Variants in PRIM2 observed in about 807,000 individuals in gnomAD.
PRIM2 encodes DNA primase subunit 2.
PRIM2 carries 39 observed loss-of-function variants against 67.3 expected under a neutral mutation model. The observed-to-expected ratio is 0.58, with a 90% CI of 0.45 to 0.76. The LOEUF (loss-of-function observed/expected upper bound fraction) is 0.76, where lower values mean the gene tolerates loss of function less well. Among genes scored for constraint, PRIM2 ranks in the 30% least tolerant of loss-of-function variants. The pLI, the probability that PRIM2 is intolerant of heterozygous loss-of-function variation, is 0.00. For missense variants in PRIM2, 398 were observed against 598.7 expected (o/e 0.66, Z 3.50); for synonymous variants, 143 against 198.7 (o/e 0.72, Z 2.36).
intron 10 of PRIM2, among the ~76,000 whole-genome samples, chr6:57,574,337 C>T (rs1348311366): frequency 4.0e-4 from 60 of 151,884 alleles, no homozygotes; most frequent in African/African-American, 1.2e-3. Flanking sequence ...TTGCTTGGGC[C>T]GCTGCCATTC....
At chr6:57,333,878 C>A (rs1768136883) in intron 5 of PRIM2, among the ~76,000 whole-genome samples, 2 of 152,066 alleles carry the variant, frequency 1.3e-5, no homozygotes, top group Admixed American at 6.5e-5. Context: ...AGCTAATTAA[C>A]AAATGTATTA....
At chr6:57,427,628 A>G (rs568634988) in intron 7 of PRIM2, among the ~76,000 whole-genome samples, 13 of 152,294 alleles carry the variant, frequency 8.5e-5, no homozygotes, top group South Asian at 2.1e-4. Context: ...TGGTTATTCA[A>G]TTATTAACAG....
chr6:57,330,515 A>G (rs1768025179), intron 5 of PRIM2, among the ~76,000 whole-genome samples: 1 of 149,930 alleles, frequency 6.7e-6, no homozygotes, highest in South Asian at 2.1e-4. Context: ...TTTGTATTGA[A>G]CTTGTTTTTT....
chr6:57,250,782 C>T, the PRIM2 span, among the ~76,000 whole-genome samples: 4 of 152,112 alleles, frequency 2.6e-5, no homozygotes, highest in Non-Finnish European at 5.9e-5. Context: ...GACTCTTTCC[C>T]GTTTTCACTC....
the PRIM2 span, among the ~76,000 whole-genome samples, chr6:57,300,798 G>A: frequency 1.3e-5 from 2 of 151,978 alleles, no homozygotes; most frequent in Non-Finnish European, 2.9e-5. Flanking sequence ...CGAGGCAGGC[G>A]GATCAAGAAG....
chr6:57,420,869 G>A (rs966159111), intron 7 of PRIM2, among the ~76,000 whole-genome samples: 10 of 152,204 alleles, frequency 6.6e-5, no homozygotes, highest in Non-Finnish European at 1.2e-4. Flanking sequence ...CACTTGTGGA[G>A]ATATCTGGCA....
chr6:57,415,022 G>A (rs1771212115), intron 7 of PRIM2, among the ~76,000 whole-genome samples: 1 of 152,092 alleles, frequency 6.6e-6, no homozygotes, highest in African/African-American at 2.4e-5. Flanking sequence ...ATGAGGTATA[G>A]ACTAGAAGTG....
rs1159513728 is a variant in PRIM2 at position 57,561,380 on chromosome 6, C to T, written c.1020+23755C>T. ...CTGAGTAGCTGGGACTACAGGCGCACGCCGCCACACCCGGCTGATTTTTTG... is the reference window on the plus strand; with the variant it reads ...CTGAGTAGCTGGGACTACAGGCGCATGCCGCCACACCCGGCTGATTTTTTG... On this transcript the variant is annotated intron_variant, in intron 10 of 13. Transcript: ENST00000615550. Among the ~76,000 whole-genome samples, 28 of 152,222 alleles carry T rather than the reference C, an allele frequency of 1.8e-4. No homozygotes were observed. The South Asian group carries it at 5.0e-3, about 27-fold the overall frequency.
intron 13 of PRIM2, among the ~76,000 whole-genome samples, chr6:57,642,186 CA>C (rs1480929733): frequency 6.6e-6 from 1 of 151,954 alleles, no homozygotes; most frequent in Non-Finnish European, 1.5e-5. Flanking sequence ...ACAATGAGAA[CA>C]CATGGACACA....
At chr6:57,597,379 A>G (rs1262274099) in intron 10 of PRIM2, among the ~76,000 whole-genome samples, 3 of 151,004 alleles carry the variant, frequency 2.0e-5, no homozygotes, top group Non-Finnish European at 1.5e-5. Flanking sequence ...TGAGTCTTTT[A>G]TCCTCCTTAA....
Position 57,490,133 on chromosome 6 carries a change from A to G in PRIM2, c.694-17254A>G, listed in dbSNP as rs1554345846. Among the ~76,000 whole-genome samples the G allele has an allele frequency of 7.6e-4, 116 of 152,120 alleles. 1 individual carries two copies. Among genetic ancestry groups the G allele is most frequent in the Non-Finnish European group, 7.9e-4 (54 of 68,026 alleles). On this transcript the variant is annotated intron_variant, in intron 7 of 13. Coordinates refer to ENST00000615550, the MANE Select transcript of PRIM2 (RefSeq NM_000947.5). ...CCAGGGCACTGACTCCTCCTGGAGCATGCAGATTATACCCTACTGAGATTG... is the reference window on the plus strand; with the variant it reads ...CCAGGGCACTGACTCCTCCTGGAGCGTGCAGATTATACCCTACTGAGATTG...
At chr6:57,310,728 G>A (rs1231635822), upstream of PRIM2, among the ~76,000 whole-genome samples, 13 of 147,932 alleles carry the variant, frequency 8.8e-5, no homozygotes, top group African/African-American at 2.5e-4. Flanking sequence ...GGGCAGAGGC[G>A]CCCACTTCCC....
chr6:57,569,215 A>G (rs1281513247), intron 10 of PRIM2, among the ~76,000 whole-genome samples: 7 of 152,154 alleles, frequency 4.6e-5, no homozygotes, highest in Admixed American at 4.6e-4. Context: ...AGGAGCGGGG[A>G]TAATGTCTGT....
At chr6:57,222,245 G>A in the PRIM2 span, 11 of 152,632 alleles carry the variant, frequency 7.2e-5, no homozygotes, top group Admixed American at 1.3e-4. Flanking sequence ...AGCTCCGCCG[G>A]GGGTGGTGGG....
intron 10 of PRIM2, among the ~76,000 whole-genome samples, chr6:57,544,325 T>G (rs1272736062): frequency 7.9e-5 from 12 of 152,124 alleles, no homozygotes; most frequent in Admixed American, 5.2e-4. Flanking sequence ...ATGTCTCTGG[T>G]CAGGGAGGGG....
At chr6:57,377,243 A>G (rs1217577997) in intron 5 of PRIM2, among the ~76,000 whole-genome samples, 4 of 152,110 alleles carry the variant, frequency 2.6e-5, no homozygotes, top group Non-Finnish European at 4.4e-5. Flanking sequence ...TAGTTTTAAT[A>G]ATTTGTCGTG....
chr6:57,312,999 A>G (rs1364508748), upstream of PRIM2, among the ~76,000 whole-genome samples: 1 of 152,174 alleles, frequency 6.6e-6, no homozygotes, highest in Admixed American at 6.5e-5. Flanking sequence ...GTTTCCTCAT[A>G]GGTGTGGGAC....
intron 5 of PRIM2, among the ~76,000 whole-genome samples, chr6:57,334,225 C>T (rs9357944): frequency 0.41 from 62,582 of 151,892 alleles, 13,652 homozygotes; most frequent in South Asian, 0.56. Context: ...CATGGTGTTG[C>T]AAGTGGCAGG....
chr6:57,353,777 G>T (rs1394389886), intron 5 of PRIM2, among the ~76,000 whole-genome samples: 1 of 151,980 alleles, frequency 6.6e-6, no homozygotes, highest in Non-Finnish European at 1.5e-5. Flanking sequence ...CAGAAACTGG[G>T]GTTTAATAGA....
Sources: gnomAD v4.1 joint callset for allele counts (sites outside exome capture counted in the v4.1 genomes callset) on GRCh38, gnomAD v4.1.1 for gene constraint, MANE v1.5 for transcripts, NCBI Gene and HGNC (gene_info 2026-07-23, HGNC 2026-07-21) for gene names.